SPNS3: variants seen among roughly 807,000 people sequenced by gnomAD.
SPNS3 encodes protein spinster homolog 3.
In SPNS3, 51 loss-of-function variants were observed where a neutral mutation model predicts 54.4. The ratio of observed to expected loss-of-function variants is 0.94; its 90% confidence interval spans 0.75 to 1.18. The LOEUF is 1.18. Among genes scored for constraint, SPNS3 ranks in the 50% most tolerant of loss-of-function variants. The pLI, the probability that SPNS3 is intolerant of heterozygous loss-of-function variation, is 0.00. For missense variants in SPNS3, 669 were observed against 677.4 expected, an observed-to-expected ratio of 0.99 and a Z score of 0.14; for synonymous variants, 309 against 294.7, an observed-to-expected ratio of 1.05 and a Z score of -0.50.
intron 7 of SPNS3, among the ~76,000 whole-genome samples, chr17:4,449,863 C>T (rs964112940): frequency 6.6e-6 from 1 of 152,088 alleles, no homozygotes; most frequent in Admixed American, 6.6e-5. Flanking sequence ...AGGGGAGGCG[C>T]GGGCACTCTG....
chr17:4,439,538 TG>T, intron 1 of SPNS3, 119 bp from the exon 2 acceptor site: 1 of 778,632 alleles, frequency 1.3e-6, no homozygotes, highest in Non-Finnish European at 2.1e-6. Flanking sequence ...ACAGTGGGCT[TG>T]GGTGCCATGC....
rs1970656263 is a variant in SPNS3, at chr17:4,434,172, G to A, written c.199+6G>A. On this transcript the variant is annotated splice_donor_region_variant and intron_variant, in intron 1 of 11. Transcript: ENST00000355530. ...GAACTGGTTCATCATTGCAGGTGAG[G>A]AGGGGATGGCTACCCTGGGCAGTAC... 6.2e-7 allele frequency: 1 copy of A among 1,605,830 alleles called. No individual in the cohort carries two copies. Among genetic ancestry groups the A allele is most frequent in the Non-Finnish European group, 8.5e-7 (1 of 1,175,662 alleles).
At chr17:4,450,521 C>T (rs1367178679) in intron 7 of SPNS3, among the ~76,000 whole-genome samples, 1 of 152,034 alleles carries the variant, frequency 6.6e-6, no homozygotes, top group Non-Finnish European at 1.5e-5. Flanking sequence ...TTAAGCAATC[C>T]TCCCACCTCA....
intron 9 of SPNS3, among the ~76,000 whole-genome samples, chr17:4,480,333 C>T (rs1439295718): frequency 1.3e-5 from 2 of 152,222 alleles, no homozygotes; most frequent in African/African-American, 2.4e-5. Flanking sequence ...ACCACCTGCC[C>T]GGTAGGGTGA....
chr17:4,441,051 C>G (rs1970835039), intron 2 of SPNS3, among the ~76,000 whole-genome samples: 1 of 152,126 alleles, frequency 6.6e-6, no homozygotes, highest in Admixed American at 6.5e-5. Flanking sequence ...AGACATTTCC[C>G]ATAAACTGAA....
At chr17:4,482,796 G>T (rs145386237) in intron 9 of SPNS3, among the ~76,000 whole-genome samples, 1 of 152,038 alleles carries the variant, frequency 6.6e-6, no homozygotes, top group East Asian at 1.9e-4. Flanking sequence ...GTCTGTCCCC[G>T]CCCCACTCAG....
At chr17:4,442,189 C>T (rs1970870259) in intron 2 of SPNS3, among the ~76,000 whole-genome samples, 1 of 151,990 alleles carries the variant, frequency 6.6e-6, no homozygotes, top group Non-Finnish European at 1.5e-5. Context: ...TGTTGTCTGT[C>T]CACAGGGCTG....
At chr17:4,466,444 G>A (rs1305718140) in intron 8 of SPNS3, among the ~76,000 whole-genome samples, 1 of 151,150 alleles carries the variant, frequency 6.6e-6, no homozygotes, top group African/African-American at 2.4e-5. Flanking sequence ...GGAGGCTGAG[G>A]CAGGAGAATC....
At chr17:4,444,998 G>A in intron 2 of SPNS3, 34 bp from the exon 3 acceptor site, 1 of 1,601,992 alleles carries the variant, frequency 6.2e-7, no homozygotes, top group Non-Finnish European at 8.5e-7. Context: ...ACGGTCGTGG[G>A]GGGATCCAGG....
At chr17:4,454,128 G>A (rs914550379) in intron 8 of SPNS3, among the ~76,000 whole-genome samples, 5 of 152,122 alleles carry the variant, frequency 3.3e-5, no homozygotes, top group African/African-American at 9.7e-5. Flanking sequence ...CAGAATTCAC[G>A]TTCCCACTTG....
chr17:4,463,542 A>G (rs901672352), intron 8 of SPNS3, among the ~76,000 whole-genome samples: 42 of 152,048 alleles, frequency 2.8e-4, no homozygotes, highest in African/African-American at 9.7e-4. Context: ...AGCCTGGCCA[A>G]CATGCTCTCT....
intron 7 of SPNS3, among the ~76,000 whole-genome samples, chr17:4,452,684 G>C (rs1292272479): frequency 6.6e-6 from 1 of 152,028 alleles, no homozygotes; most frequent in Non-Finnish European, 1.5e-5. Context: ...GGCAGTTTTG[G>C]GGGGTGAAAG....
chr17:4,451,050 T>C (rs990254706), intron 7 of SPNS3, among the ~76,000 whole-genome samples: 1 of 150,934 alleles, frequency 6.6e-6, no homozygotes. Context: ...CTGGCGGGGG[T>C]GCATTTTCAG....
intron 8 of SPNS3, among the ~76,000 whole-genome samples, chr17:4,466,094 G>A (rs149498520): frequency 2.2e-3 from 329 of 152,352 alleles, no homozygotes; most frequent in African/African-American, 7.7e-3. Flanking sequence ...AGGTGGCTGA[G>A]ATGCAGGTCT....
chr17:4,465,926 A>C (rs1166080492), intron 8 of SPNS3, among the ~76,000 whole-genome samples: 1 of 152,198 alleles, frequency 6.6e-6, no homozygotes, highest in Non-Finnish European at 1.5e-5. Context: ...CACAGTGGCG[A>C]AGCCTACCAG....
chr17:4,448,251 G>T lies in SPNS3; in HGVS notation c.718G>T (p.Val240Leu). The T allele has an allele frequency of 1.3e-6, 2 of 1,598,476 alleles. No individual in the cohort carries two copies. The highest frequency in any genetic ancestry group is 1.1e-5 in the South Asian group (1 of 88,486). ...TGCCGAGACACAGGGGGAGGGGGCCGTGGGAGGCTTCAGGAGCAGCTGGTG... is the reference window on the plus strand; with the variant it reads ...TGCCGAGACACAGGGGGAGGGGGCCTTGGGAGGCTTCAGGAGCAGCTGGTG... ...GAAETQGEGA[V>L]GGFRSSWCED... is the part of the protein sequence containing the mutation. Residue 240 changes from valine (V) to leucine (L), a missense_variant, in exon 6 of 12, where the codon GTG becomes TTG. Val to Leu is a conservative substitution (Grantham distance 32). Coordinates refer to ENST00000355530, the MANE Select transcript of SPNS3 (RefSeq NM_182538.5).
rs368078432 is a variant in SPNS3 at position 4,478,566 on chromosome 17, C to A, written c.1114-6C>A. The stretch of plus-strand genomic sequence containing the variant: ...AATCCTCACCCAGGCCACCCTCTGT[C>A]CACAGGTGTTCCTGGGCCTTGGGGA... On this transcript the variant is annotated splice_polypyrimidine_tract_variant and splice_region_variant and intron_variant, in intron 8 of 11. Transcript: ENST00000355530. The A allele has an allele frequency of 1.1e-5, 17 of 1,568,700 alleles. No individual in the cohort carries two copies. Among genetic ancestry groups the A allele is most frequent in the Non-Finnish European group, 1.4e-5 (16 of 1,155,850 alleles).
intron 8 of SPNS3, among the ~76,000 whole-genome samples, chr17:4,453,659 A>C (rs752593783): frequency 6.6e-5 from 10 of 152,158 alleles, no homozygotes; most frequent in Non-Finnish European, 1.5e-4. Flanking sequence ...GGAGTTCCAC[A>C]GTGAAGAAGG....
chr17:4,455,398 C>T (rs1205982615), intron 8 of SPNS3, among the ~76,000 whole-genome samples: 2 of 152,232 alleles, frequency 1.3e-5, no homozygotes, highest in African/African-American at 4.8e-5. Flanking sequence ...CAAGTATTGC[C>T]TGTGTCCGGA....
Sources: allele counts gnomAD v4.1 joint callset (sites outside exome capture counted in the v4.1 genomes callset), GRCh38; gene constraint gnomAD v4.1.1; transcripts MANE v1.5; gene names NCBI Gene and HGNC (gene_info 2026-07-23, HGNC 2026-07-21).